ZNF124: variants seen among roughly 807,000 people sequenced by gnomAD.
ZNF124 encodes zinc finger protein HZF-16.
A neutral mutation model predicts 26.6 loss-of-function variants in ZNF124; 25 were observed. The ratio of observed to expected loss-of-function variants is 0.94; its 90% CI spans 0.68 to 1.31. The LOEUF (loss-of-function observed/expected upper bound fraction) is 1.31. Ranked by LOEUF, ZNF124 falls within the 40% of genes most tolerant of loss-of-function variation. ZNF124 has a pLI of 0.00. For missense variants in ZNF124, 444 were observed against 422.2 expected (o/e 1.05, Z -0.45); for synonymous variants, 129 against 133.3 (o/e 0.97, Z 0.22).
intron 3 of ZNF124, among the ~76,000 whole-genome samples, chr1:247,140,390 T>G (rs1309033811): frequency 6.6e-6 from 1 of 152,156 alleles, no homozygotes; most frequent in Non-Finnish European, 1.5e-5. Context: ...TGATTCTTAG[T>G]TTTTTTGGAT....
In ZNF124 at chr1:247,156,199, A is replaced by G. The variant is rs1673121916; in HGVS notation, c.*367T>C. The G allele has an allele frequency of 1.0e-6, 1 of 1,000,672 alleles. No individual in the cohort carries two copies. Among genetic ancestry groups the G allele is most frequent in the Non-Finnish European group, 1.2e-6 (1 of 840,906 alleles). 62.0% of individuals were successfully genotyped at this position (1,000,672 alleles called of 1,614,324 possible). On this transcript the variant is annotated 3_prime_UTR_variant, in exon 4 of 4. Transcript: ENST00000543802. ...AGGTCAATCTGGAGTATGTGTTACC[A>G]TGTGTCTCTGAGTGAGTTATAGGAT...
In ZNF124 at chr1:247,124,142, TTTG is replaced by T. The variant is rs532799457; in HGVS notation, c.219-274_219-272del. 6.6e-5 allele frequency among the ~76,000 whole-genome samples: 10 copies of T among 151,424 alleles called. No individual in the cohort carries two copies. In the South Asian group the frequency reaches 2.1e-3, roughly 32 times the overall value. On this transcript the variant is annotated intron_variant, in intron 3 of 3. Coordinates refer to the ZNF124 transcript ENST00000472531. ...TGCGCCCGGCCTACGTGAGCCATTT[TTTG>T]TTAATAGCTTTATTGGGATCACACA... is the stretch of plus-strand genomic sequence containing the variant.
intron 3 of ZNF124, among the ~76,000 whole-genome samples, chr1:247,149,581 CA>C (rs1159160282): frequency 2.6e-5 from 4 of 152,162 alleles, no homozygotes; most frequent in Non-Finnish European, 5.9e-5. Flanking sequence ...ATAAGTCAGA[CA>C]CAGAAAGACA....
At chr1:247,161,566 CAAAA>C (rs947930163) in intron 1 of ZNF124, among the ~76,000 whole-genome samples, 2 of 149,046 alleles carry the variant, frequency 1.3e-5, no homozygotes, top group Admixed American at 6.7e-5. Flanking sequence ...AATTAAAAGA[CAAAA>C]AACAGTAAAA....
At chr1:247,144,862 G>A (rs967324050) in intron 3 of ZNF124, among the ~76,000 whole-genome samples, 11 of 150,554 alleles carry the variant, frequency 7.3e-5, no homozygotes, top group African/African-American at 2.7e-4. Context: ...TGCAACCTCC[G>A]CCTCCCAGGT....
chr1:247,163,856 A>G (rs143191857), intron 1 of ZNF124, among the ~76,000 whole-genome samples: 302 of 152,324 alleles, frequency 2.0e-3, no homozygotes, highest in African/African-American at 7.0e-3. Context: ...ACTTCAGGCC[A>G]ATATCCTTGA....
At chr1:247,160,777 T>A (rs916090015) in intron 1 of ZNF124, among the ~76,000 whole-genome samples, 12 of 152,218 alleles carry the variant, frequency 7.9e-5, no homozygotes, top group Non-Finnish European at 1.5e-4. Context: ...ATGTCACAAC[T>A]TTTTAATTGG....
chr1:247,142,793 A>G (rs538811641), intron 3 of ZNF124, among the ~76,000 whole-genome samples: 90 of 151,212 alleles, frequency 6.0e-4, no homozygotes, highest in African/African-American at 2.0e-3. Flanking sequence ...AAAAATTTCA[A>G]TTCATCTTAT....
At chr1:247,125,430 CTTTTTTTTT>C (rs71566695) in intron 3 of ZNF124, among the ~76,000 whole-genome samples, 278 of 43,246 alleles carry the variant, frequency 6.4e-3, no homozygotes, top group Middle Eastern at 0.056. Flanking sequence ...CTGTTTTTGT[CTTTTTTTTT>C]TTTTTTTTTT....
downstream of ZNF124, among the ~76,000 whole-genome samples, chr1:247,151,478 C>CAAA (rs565076160): frequency 9.5e-5 from 7 of 73,688 alleles, no homozygotes; most frequent in African/African-American, 1.4e-4. Flanking sequence ...GACTCCGTCT[C>CAAA]AAAAAAAAAA....
At chr1:247,164,274 C>A in intron 1 of ZNF124, among the ~76,000 whole-genome samples, 1 of 151,376 alleles carries the variant, frequency 6.6e-6, no homozygotes, top group African/African-American at 2.4e-5. Context: ...TATTAACATA[C>A]TACTGAAATA....
intron 3 of ZNF124, chr1:247,123,957 T>A: frequency 1.4e-6 from 1 of 699,824 alleles, no homozygotes; most frequent in Non-Finnish European, 2.6e-6. Flanking sequence ...GATGTGCTTT[T>A]AGCTGGGACT....
chr1:247,171,181 T>C (rs10924930), intron 1 of ZNF124, among the ~76,000 whole-genome samples: 12 of 112 alleles, frequency 0.11, no homozygotes, highest in Non-Finnish European at 0.15. Context: ...AATCAGTTAT[T>C]AAATTGGGGT....
chr1:247,157,308 G>A lies in ZNF124; in HGVS notation c.314C>T (p.Ser105Phe). ...TGTGTCTCTGTGAACCCTTGTGACA[G>A]AAAGGGAAGTTTTCTGACATTGTTT... ...TCKQCQKTSL[S>F]VTRVHRDTVM... is the part of the protein sequence containing the mutation. Residue 105 changes from serine (S) to phenylalanine (F), a missense_variant, in exon 4 of 4, where the codon TCT (serine) becomes TTT (phenylalanine). Coordinates refer to ENST00000543802, the MANE Select transcript of ZNF124 (RefSeq NM_001297568.2). 3 of 1,593,612 alleles carry A rather than the reference G, an allele frequency of 1.9e-6. No individual in the cohort carries two copies. The highest frequency in any genetic ancestry group is 1.7e-6 in the Non-Finnish European group (2 of 1,168,380).
chr1:247,123,064 T>A (rs1371007503), exon 4 of ZNF124: 2 of 152,118 alleles, frequency 1.3e-5, no homozygotes, highest in African/African-American at 4.8e-5. Flanking sequence ...ATGAACACAA[T>A]AACTAAGCAT....
chr1:247,132,657 C>G (rs1672396790), intron 3 of ZNF124, among the ~76,000 whole-genome samples: 1 of 152,182 alleles, frequency 6.6e-6, no homozygotes, highest in African/African-American at 2.4e-5. Context: ...AGGCAGACAG[C>G]CCGGTGCCAC....
downstream of ZNF124, among the ~76,000 whole-genome samples, chr1:247,151,505 G>T (rs1672944360): frequency 6.6e-6 from 1 of 151,064 alleles, no homozygotes; most frequent in Non-Finnish European, 1.5e-5. Flanking sequence ...ACCATGTGTT[G>T]GCAAGGATGT....
chr1:247,151,799 A>G (rs1368892416), downstream of ZNF124, among the ~76,000 whole-genome samples: 4 of 151,630 alleles, frequency 2.6e-5, no homozygotes, highest in African/African-American at 9.7e-5. Flanking sequence ...TGATATTCAC[A>G]CAACAGAATT....
intron 3 of ZNF124, among the ~76,000 whole-genome samples, chr1:247,128,695 G>A (rs986891313): frequency 6.7e-6 from 1 of 149,720 alleles, no homozygotes; most frequent in African/African-American, 2.5e-5. Context: ...TACTGGTATT[G>A]AGGGAAGAAA....
Sources: allele counts gnomAD v4.1 joint callset (sites outside exome capture counted in the v4.1 genomes callset), GRCh38; gene constraint gnomAD v4.1.1; transcripts MANE v1.5; gene names NCBI Gene and HGNC (gene_info 2026-07-23, HGNC 2026-07-21).